Variants in GK5 observed in about 807,000 individuals in gnomAD.
The protein encoded by GK5 is ATP:glycerol 3-phosphotransferase 5.
Under a neutral mutation model 77.3 loss-of-function variants are expected in GK5, and 39 were observed. The ratio of observed to expected loss-of-function variants is 0.50; its 90% CI spans 0.39 to 0.66. The LOEUF (loss-of-function observed/expected upper bound fraction) is 0.66, where lower values mean the gene tolerates loss of function less well. Among genes scored for constraint, GK5 ranks in the 30% least tolerant of loss-of-function variants. The pLI is 0.00. For synonymous variants in GK5, 211 were observed against 208.0 expected, an observed-to-expected ratio of 1.01 and a Z score of -0.13; for missense variants, 487 against 633.8, an observed-to-expected ratio of 0.77 and a Z score of 2.49.
At chr3:142,173,661 G>A (rs570795074) in intron 12 of GK5, among the ~76,000 whole-genome samples, 4 of 151,978 alleles carry the variant, frequency 2.6e-5, no homozygotes, top group Admixed American at 2.6e-4. Flanking sequence ...TCTAGCCTGG[G>A]CAACAGAGCA....
intron 1 of GK5, among the ~76,000 whole-genome samples, chr3:142,222,611 A>G (rs2064367851): frequency 6.6e-6 from 1 of 152,090 alleles, no homozygotes; most frequent in Non-Finnish European, 1.5e-5. Context: ...TTTTTAAGAT[A>G]CAATTAAGTT....
intron 4 of GK5, 178 bp downstream of exon 4, chr3:142,204,517 T>G: frequency 1.5e-6 from 1 of 665,954 alleles, no homozygotes; most frequent in Non-Finnish European, 2.8e-6. Context: ...GAGGTACAAG[T>G]ACTGAAGTCT....
intron 3 of GK5, among the ~76,000 whole-genome samples, chr3:142,210,177 T>A (rs966808672): frequency 1.3e-5 from 2 of 151,972 alleles, no homozygotes; most frequent in Admixed American, 6.6e-5. Context: ...AAAAGAAAGT[T>A]CAAAGTTTTA....
chr3:142,159,847 C>CTTTTTTTTTTTT lies in GK5; in HGVS notation c.*5774_*5775insAAAAAAAAAAAA, dbSNP rs1407448771. 3.9e-5 allele frequency: 4 copies of CTTTTTTTTTTTT among 103,214 alleles called. No homozygotes were observed. Among genetic ancestry groups the CTTTTTTTTTTTT allele is most frequent in the African/African-American group, 1.6e-4 (4 of 25,198 alleles). 6.4% of individuals were successfully genotyped at this position (103,214 alleles called of 1,614,324 possible). On this transcript the variant is annotated 3_prime_UTR_variant, in exon 16 of 16. Transcript: ENST00000392993. ...TGGGGCTTTCTCTCTCTCTCTCTCTCTCTCTCTTTTTTTTTTTTGAGACAG... is the reference window on the plus strand; with the variant it reads ...TGGGGCTTTCTCTCTCTCTCTCTCTCTTTTTTTTTTTTTCTCTCTTTTTTTTTTTTGAGACAG...
chr3:142,200,155 G>T (rs1012907878), intron 4 of GK5, among the ~76,000 whole-genome samples: 13 of 150,064 alleles, frequency 8.7e-5, no homozygotes, highest in Non-Finnish European at 1.5e-4. Context: ...ATGGTTTTTG[G>T]TTTTTTTTGA....
Position 142,165,576 on chromosome 3 carries a change from C to T in GK5, c.*46G>A, listed in dbSNP as rs2063465241. Reference sequence around the variant, plus strand: ...ATCCCTGAGCTTCATCTCATCTGCACGTCACATAAACCAGCTACCTATGGT... The same window carrying T: ...ATCCCTGAGCTTCATCTCATCTGCATGTCACATAAACCAGCTACCTATGGT... On this transcript the variant is annotated 3_prime_UTR_variant, in exon 16 of 16. Coordinates refer to ENST00000392993, the MANE Select transcript of GK5 (RefSeq NM_001039547.3). The T allele has an allele frequency of 6.8e-6, 10 of 1,473,556 alleles. No homozygotes were observed. Among genetic ancestry groups the T allele is most frequent in the African/African-American group, 2.8e-5 (2 of 70,176 alleles). 91.3% of individuals were successfully genotyped at this position (1,473,556 alleles called of 1,614,324 possible). A position where few individuals can be genotyped will look rare whatever the true frequency, so the allele number is the denominator to read the frequency against.
In GK5 at chr3:142,216,031, C is replaced by T. The variant is rs112807742; in HGVS notation, c.148-339G>A. 1.9e-3 allele frequency among the ~76,000 whole-genome samples: 294 copies of T among 152,190 alleles called. 2 individuals are homozygous for T. The highest frequency in any genetic ancestry group is 6.2e-3 in the African/African-American group (256 of 41,514). On this transcript the variant is annotated intron_variant, in intron 1 of 15. Transcript: ENST00000392993. ...AAAAAGTGAATTCCAGTTCAGACCA[C>T]GATAGAGTAAGCACACTCCACCCTG... is the stretch of plus-strand genomic sequence containing the variant.
At chr3:142,185,650 A>T (rs367604103) in intron 9 of GK5, 174 of 1,214,234 alleles carry the variant, frequency 1.4e-4, no homozygotes, top group South Asian at 4.2e-4. Flanking sequence ...ATTAAAAAAA[A>T]TTTTTTTTAA....
Position 142,181,522 on chromosome 3 carries a change from T to C in GK5, c.987A>G (p.Val329=), listed in dbSNP as rs1362307670. ...LIGWKIGQEV[V]CLAESNAGDT... Reference sequence around the variant, plus strand: ...CTCCTGCATTGCTTTCAGCTAAGCATACGACTTCTTGCCCAATCTTCCACC... The same window carrying C: ...CTCCTGCATTGCTTTCAGCTAAGCACACGACTTCTTGCCCAATCTTCCACC... The change falls in exon 11 of 16, where the codon GTA becomes GTG. Residue 329 remains valine, a synonymous_variant. Coordinates refer to ENST00000392993, the MANE Select transcript of GK5 (RefSeq NM_001039547.3). The C allele has an allele frequency of 6.2e-7, 1 of 1,613,770 alleles. No individual in the cohort carries two copies. The highest frequency in any genetic ancestry group is 8.5e-7 in the Non-Finnish European group (1 of 1,179,840).
chr3:142,199,016 A>C, intron 4 of GK5, 83 bp from the exon 5 acceptor site: 4 of 953,180 alleles, frequency 4.2e-6, no homozygotes, highest in Non-Finnish European at 6.1e-6. Context: ...CATGCAAACA[A>C]ACCCAATAAC....
intron 9 of GK5, chr3:142,183,634 C>T (rs2063725221): frequency 6.6e-6 from 1 of 152,240 alleles, no homozygotes; most frequent in African/African-American, 2.4e-5. Context: ...CCACGCCAAG[C>T]TAATTTTTGT....
At chr3:142,195,712 T>C (rs772756103) in intron 5 of GK5, among the ~76,000 whole-genome samples, 11 of 152,190 alleles carry the variant, frequency 7.2e-5, no homozygotes, top group African/African-American at 1.4e-4. Context: ...TTCTTTTCTC[T>C]TGATGTCTTT....
At chr3:142,165,875 A>G in intron 15 of GK5, 105 bp from the exon 16 acceptor site, 1 of 693,192 alleles carries the variant, frequency 1.4e-6, no homozygotes, top group Non-Finnish European at 2.3e-6. Context: ...AACAAAAACT[A>G]TTTTTAAAAC....
In GK5 at chr3:142,163,686, A is replaced by T. The variant is rs2063443848; in HGVS notation, c.*1936T>A. On this transcript the variant is annotated 3_prime_UTR_variant, in exon 16 of 16. Transcript: ENST00000392993. ...CAATTCAGTACATTCTGACAAAAAGAATTATTTCCTATGAAATTACACCCA... is the reference window on the plus strand; with the variant it reads ...CAATTCAGTACATTCTGACAAAAAGTATTATTTCCTATGAAATTACACCCA... 1 of 152,150 alleles carries T rather than the reference A, an allele frequency of 6.6e-6. No individual in the cohort carries two copies. Among genetic ancestry groups the T allele is most frequent in the Non-Finnish European group, 1.5e-5 (1 of 68,024 alleles). The allele number at this position is 152,150 out of a possible 1,614,324, so 9.4% of individuals were successfully genotyped here. A position where few individuals can be genotyped will look rare whatever the true frequency, so the allele number is the denominator to read the frequency against.
At chr3:142,172,508 C>T (rs538693397) in intron 12 of GK5, 52 bp from the exon 13 acceptor site, 8 of 986,202 alleles carry the variant, frequency 8.1e-6, no homozygotes, top group East Asian at 2.6e-5. Context: ...ATTACATCTA[C>T]GGACTTGAGG....
At position 142,157,534 on chromosome 3, in the gene GK5, T is replaced by A. The variant is rs532837433; in HGVS notation, c.*8088A>T. 1 of 152,308 alleles carries A rather than the reference T, an allele frequency of 6.6e-6. No homozygotes were observed. Among genetic ancestry groups the A allele is most frequent in the Admixed American group, 6.5e-5 (1 of 15,286 alleles). 9.4% of individuals were successfully genotyped at this position (152,308 alleles called of 1,614,324 possible). ...AAGCAAATAACAGAGAAACACAATATAAAAATGGCTTTAATATACCAACGT... is the reference window on the plus strand; with the variant it reads ...AAGCAAATAACAGAGAAACACAATAAAAAAATGGCTTTAATATACCAACGT... On this transcript the variant is annotated 3_prime_UTR_variant, in exon 16 of 16. Coordinates refer to ENST00000392993, the MANE Select transcript of GK5 (RefSeq NM_001039547.3).
At chr3:142,179,476 G>A (rs2063664551) in intron 11 of GK5, among the ~76,000 whole-genome samples, 1 of 152,114 alleles carries the variant, frequency 6.6e-6, no homozygotes, top group Non-Finnish European at 1.5e-5. Flanking sequence ...GAACCCAGGA[G>A]TTTGAATCCA....
rs1188674889 is a variant in GK5 at position 142,213,521 on chromosome 3, C to G, written c.317+5G>C. ...AGTAGGGTGCTTATCACAGAATGTA[C>G]TTACTTGTTCCACGTAATAAAAGTT... On this transcript the variant is annotated splice_donor_5th_base_variant and intron_variant, in intron 3 of 15. Coordinates refer to ENST00000392993, the MANE Select transcript of GK5 (RefSeq NM_001039547.3). The G allele has an allele frequency of 6.4e-7, 1 of 1,569,744 alleles. No individual in the cohort carries two copies.
rs147320842 is a variant in GK5 at position 142,158,740 on chromosome 3, A to G, written c.*6882T>C. ...TTTCTAATAACTTATTAACAAAATC[A>G]TTCTGAAACCTTTACACAAATCAGC... On this transcript the variant is annotated 3_prime_UTR_variant, in exon 16 of 16. Coordinates refer to ENST00000392993, the MANE Select transcript of GK5 (RefSeq NM_001039547.3). The G allele has an allele frequency of 7.6e-4, 116 of 152,742 alleles. 2 individuals are homozygous for G. The East Asian group carries it at 0.021, about 28-fold the overall frequency. The allele number at this position is 152,742 out of a possible 1,614,324, so 9.5% of individuals were successfully genotyped here. A position where few individuals can be genotyped will look rare whatever the true frequency, so the allele number is the denominator to read the frequency against.
Sources: allele counts gnomAD v4.1 joint callset (sites outside exome capture counted in the v4.1 genomes callset), GRCh38; gene constraint gnomAD v4.1.1; transcripts MANE v1.5; gene names NCBI Gene and HGNC (gene_info 2026-07-23, HGNC 2026-07-21).